PPA1: variants seen among roughly 807,000 people sequenced by gnomAD.
PPA1 encodes inorganic pyrophosphatase 1, also known as inorganic pyrophosphatase.
PPA1 carries 23 observed loss-of-function variants against 41.8 expected under a neutral mutation model. The ratio of observed to expected loss-of-function variants is 0.55; its 90% CI spans 0.40 to 0.78. PPA1 has a LOEUF of 0.78. Among genes scored for constraint, PPA1 ranks in the 30% least tolerant of loss-of-function variants. The pLI, the probability that PPA1 is intolerant of heterozygous loss-of-function variation, is 0.00. For synonymous variants in PPA1, 101 were observed against 116.8 expected (o/e 0.86, Z 0.87); for missense variants, 320 against 361.6 (o/e 0.89, Z 0.93).
At position 70,204,906 on chromosome 10, in the gene PPA1, G is replaced by A. The variant is rs1256175677; in HGVS notation, c.805C>T (p.Pro269Ser). 3 of 1,592,842 alleles carry A rather than the reference G, an allele frequency of 1.9e-6. No homozygotes were observed. Among genetic ancestry groups the A allele is most frequent in the Non-Finnish European group, 2.6e-6 (3 of 1,165,920 alleles). The change falls in exon 10 of 11, where the codon CCC becomes TCC. Residue 269 changes from proline (P) to serine (S), a missense_variant. Pro to Ser is a moderately conservative substitution (Grantham distance 74, BLOSUM62 -1). Transcript: ENST00000373232. Reference protein sequence around the residue: ...ARAIVDALPPPCESACTVPTD... With the variant: ...ARAIVDALPPSCESACTVPTD... Reference sequence around the variant, plus strand: ...GGTACTGTGCAGGCAGATTCACAGGGTGGTGGTAACTAAAATATAAAATAT... The same window carrying A: ...GGTACTGTGCAGGCAGATTCACAGGATGGTGGTAACTAAAATATAAAATAT...
chr10:70,215,863 T>C (rs1840074641), intron 4 of PPA1, among the ~76,000 whole-genome samples: 1 of 152,204 alleles, frequency 6.6e-6, no homozygotes, highest in African/African-American at 2.4e-5. Context: ...TTCTGGAGCT[T>C]TACATGACTG....
Position 70,208,051 on chromosome 10 carries a change from G to A in PPA1, c.725+1154C>T, listed in dbSNP as rs538386758. ...CTAAAAATACAAAAATTAGCCGGGCGTGGTGGCATGCGCCTGTAATCCCAG... is the reference window on the plus strand; with the variant it reads ...CTAAAAATACAAAAATTAGCCGGGCATGGTGGCATGCGCCTGTAATCCCAG... On this transcript the variant is annotated intron_variant, in intron 8 of 10. Coordinates refer to ENST00000373232, the MANE Select transcript of PPA1 (RefSeq NM_021129.4). 1.1e-4 allele frequency among the ~76,000 whole-genome samples: 17 copies of A among 151,864 alleles called. No individual in the cohort carries two copies. In the East Asian group the frequency reaches 1.6e-3, roughly 14 times the overall value.
intron 6 of PPA1, among the ~76,000 whole-genome samples, chr10:70,211,533 G>A (rs1256557629): frequency 5.3e-5 from 8 of 152,040 alleles, no homozygotes; most frequent in South Asian, 4.1e-4. Flanking sequence ...TTTAAATTTC[G>A]TTATATAAAT....
chr10:70,218,548 G>A (rs1034207076), intron 3 of PPA1: 1 of 522,670 alleles, frequency 1.9e-6, no homozygotes, highest in African/African-American at 1.9e-5. Context: ...AAGCAAAGAT[G>A]TTGGGAAGAA....
rs1554830629 is a variant in PPA1, at chr10:70,221,058, T to TTTTATATATATA, written c.124-2242_124-2241insTATATATATAAA. Reference sequence around the variant, plus strand: ...TATATAAATTATATATATATATAATTTATATATATATATATATATTTTTTT... The same window carrying TTTTATATATATA: ...TATATAAATTATATATATATATAATTTTTATATATATATATATATATATATATATATTTTTTT... On this transcript the variant is annotated intron_variant, in intron 2 of 10. Coordinates refer to ENST00000373232, the MANE Select transcript of PPA1 (RefSeq NM_021129.4). Among the ~76,000 whole-genome samples, 4 of 23,198 alleles carry TTTTATATATATA rather than the reference T, an allele frequency of 1.7e-4. 1 individual carries two copies. Among genetic ancestry groups the TTTTATATATATA allele is most frequent in the African/African-American group, 1.6e-3 (4 of 2,450 alleles). The allele number at this position is 23,198 out of a possible 152,430, so 15.2% of individuals were successfully genotyped here.
At chr10:70,219,077 AT>A (rs1840107685) in intron 2 of PPA1, among the ~76,000 whole-genome samples, 1 of 152,122 alleles carries the variant, frequency 6.6e-6, no homozygotes, top group Non-Finnish European at 1.5e-5. Context: ...TTACTTCTAA[AT>A]TTTTTATAGA....
chr10:70,213,676 A>T, intron 5 of PPA1, 87 bp from the exon 6 acceptor site: 1 of 1,441,140 alleles, frequency 6.9e-7, no homozygotes, highest in Non-Finnish European at 9.3e-7. Flanking sequence ...AATAAGAAAG[A>T]GGCCAAGTTC....
intron 4 of PPA1, among the ~76,000 whole-genome samples, chr10:70,217,496 T>C (rs1041690896): frequency 6.6e-6 from 1 of 152,170 alleles, no homozygotes; most frequent in Non-Finnish European, 1.5e-5. Context: ...ACTACTACCA[T>C]ACACTCTTTC....
intron 2 of PPA1, among the ~76,000 whole-genome samples, chr10:70,221,076 ATTTTTTTT>A (rs11310336): frequency 0.37 from 14,855 of 39,852 alleles, 2,537 homozygotes; most frequent in East Asian, 0.69. Flanking sequence ...ATATATATAT[ATTTTTTTT>A]TTTTTTTTTT....
chr10:70,218,252 ATAT>A (rs1352283572), intron 3 of PPA1, among the ~76,000 whole-genome samples: 2 of 152,224 alleles, frequency 1.3e-5, no homozygotes, highest in Admixed American at 6.5e-5. Flanking sequence ...GGCAAAATAA[ATAT>A]TATCCAATTT....
chr10:70,231,725 A>G (rs1057038139), intron 1 of PPA1, among the ~76,000 whole-genome samples: 14 of 152,256 alleles, frequency 9.2e-5, no homozygotes, highest in African/African-American at 3.4e-4. Flanking sequence ...TTAAAATTGG[A>G]TAACTATGTA....
At position 70,230,239 on chromosome 10, in the gene PPA1, C is replaced by T. The variant is rs116200613; in HGVS notation, c.123+102G>A. On this transcript the variant is annotated intron_variant, in intron 2 of 10. Coordinates refer to ENST00000373232, the MANE Select transcript of PPA1 (RefSeq NM_021129.4). ...AACAGACCTTTAGCTCACAGCACAA[C>T]GAGGCATTTTAAGCACTTGTTGAGA... is the stretch of plus-strand genomic sequence containing the variant. 1.6e-3 allele frequency: 2,156 copies of T among 1,348,264 alleles called. 20 individuals are homozygous for T. The African/African-American group carries it at 0.027, about 17-fold the overall frequency. The allele number at this position is 1,348,264 out of a possible 1,614,324, so 83.5% of individuals were successfully genotyped here.
chr10:70,231,553 C>T (rs369874822), intron 1 of PPA1, among the ~76,000 whole-genome samples: 36 of 152,256 alleles, frequency 2.4e-4, no homozygotes, highest in Middle Eastern at 3.4e-3. Context: ...GGCAACAGAG[C>T]GAGACTTTGT....
chr10:70,208,549 C>T (rs189633735), intron 8 of PPA1, among the ~76,000 whole-genome samples: 2 of 151,894 alleles, frequency 1.3e-5, no homozygotes, highest in Admixed American at 1.3e-4. Flanking sequence ...CACCAGTCTC[C>T]AATTCCTGAG....
chr10:70,227,961 T>TA (rs199781612), intron 2 of PPA1, among the ~76,000 whole-genome samples: 2 of 152,044 alleles, frequency 1.3e-5, no homozygotes, highest in South Asian at 2.1e-4. Flanking sequence ...ATTTTTTTTT[T>TA]AAGGCTATAA....
chr10:70,205,566 TTTC>T (rs1394481756), intron 9 of PPA1: 1 of 152,170 alleles, frequency 6.6e-6, no homozygotes, highest in Non-Finnish European at 1.5e-5. Flanking sequence ...CCTTATAATT[TTTC>T]TTATTTATCT....
intron 2 of PPA1, 56 bp downstream of exon 2, chr10:70,230,285 T>C (rs1840275951): frequency 9.5e-6 from 15 of 1,576,302 alleles, no homozygotes; most frequent in South Asian, 5.7e-5. Context: ...AAAATTCATA[T>C]GTAGAACTAG....
intron 9 of PPA1, 108 bp from the exon 10 acceptor site, chr10:70,205,023 G>A: frequency 1.3e-6 from 1 of 747,996 alleles, no homozygotes; most frequent in South Asian, 1.8e-5. Context: ...CCAAATTTTA[G>A]GATCTAAACG....
chr10:70,205,212 G>A lies in PPA1; in HGVS notation c.796-297C>T, dbSNP rs746090547. 14 of 177,066 alleles carry A rather than the reference G, an allele frequency of 7.9e-5. No homozygotes were observed. The East Asian group carries it at 8.7e-4, about 11-fold the overall frequency. The allele number at this position is 177,066 out of a possible 1,614,324, so 11.0% of individuals were successfully genotyped here. Reference sequence around the variant, plus strand: ...AGCCTGGCCAAGATGGTGAAACCCCGTCTCTACTAAAAATAAAAGCTGGGC... The same window carrying A: ...AGCCTGGCCAAGATGGTGAAACCCCATCTCTACTAAAAATAAAAGCTGGGC... On this transcript the variant is annotated intron_variant, in intron 9 of 10. Transcript: ENST00000373232.
Sources: gnomAD v4.1 joint callset for allele counts (sites outside exome capture counted in the v4.1 genomes callset) on GRCh38, gnomAD v4.1.1 for gene constraint, MANE v1.5 for transcripts, NCBI Gene and HGNC (gene_info 2026-07-23, HGNC 2026-07-21) for gene names.